GALNT2: variants seen among roughly 807,000 people sequenced by gnomAD.
GALNT2 encodes UDP-GalNAc:polypeptide N-acetylgalactosaminyltransferase 2.
GALNT2 carries 31 observed loss-of-function variants against 81.4 expected under a neutral mutation model. The observed-to-expected ratio is 0.38, with a 90% CI of 0.29 to 0.51. The LOEUF (loss-of-function observed/expected upper bound fraction) is 0.51. Ranked by LOEUF, GALNT2 falls within the 20% of genes least tolerant of loss-of-function variation. The pLI is 0.87. For synonymous variants in GALNT2, 303 were observed against 287.4 expected, an observed-to-expected ratio of 1.05 and a Z score of -0.55; for missense variants, 629 against 765.7, an observed-to-expected ratio of 0.82 and a Z score of 2.11.
intron 2 of GALNT2, among the ~76,000 whole-genome samples, chr1:230,199,977 T>G (rs1663832589): frequency 6.6e-6 from 1 of 152,230 alleles, no homozygotes; most frequent in Admixed American, 6.5e-5. Context: ...ATTGCTCCAT[T>G]AGATGCTTCA....
intron 1 of GALNT2, among the ~76,000 whole-genome samples, chr1:230,142,526 A>C (rs1572013050): frequency 6.6e-6 from 1 of 152,200 alleles, no homozygotes; most frequent in Non-Finnish European, 1.5e-5. Context: ...AAAATGGGGA[A>C]AAAAGTAGTA....
chr1:230,160,622 G>A (rs1295814394), intron 1 of GALNT2, among the ~76,000 whole-genome samples: 2 of 151,484 alleles, frequency 1.3e-5, no homozygotes, highest in African/African-American at 2.4e-5. Flanking sequence ...GCTGAGGCAG[G>A]AGAATTGCTT....
At chr1:230,201,777 C>T (rs1432874507) in intron 2 of GALNT2, among the ~76,000 whole-genome samples, 1 of 152,200 alleles carries the variant, frequency 6.6e-6, no homozygotes, top group Non-Finnish European at 1.5e-5. Flanking sequence ...CTCATGTCGA[C>T]ACTAGGACCT....
chr1:230,136,602 C>G (rs1326486537), intron 1 of GALNT2, among the ~76,000 whole-genome samples: 1 of 152,218 alleles, frequency 6.6e-6, no homozygotes, highest in Non-Finnish European at 1.5e-5. Flanking sequence ...GTCTTCAGAT[C>G]ACACACTCCG....
At chr1:230,118,966 A>G (rs1000872470) in intron 1 of GALNT2, among the ~76,000 whole-genome samples, 12 of 152,176 alleles carry the variant, frequency 7.9e-5, no homozygotes, top group Non-Finnish European at 1.8e-4. Flanking sequence ...GGCCCCAGAA[A>G]TCATCTTATT....
intron 1 of GALNT2, among the ~76,000 whole-genome samples, chr1:230,112,800 T>TG (rs200649766): frequency 0.27 from 20,548 of 76,206 alleles, 1,577 homozygotes; most frequent in South Asian, 0.38. Flanking sequence ...GGCAGGGGGG[T>TG]GGGGGGGACC....
intron 1 of GALNT2, among the ~76,000 whole-genome samples, chr1:230,088,317 G>A (rs2102762544): frequency 6.6e-6 from 1 of 152,166 alleles, no homozygotes; most frequent in African/African-American, 2.4e-5. Context: ...ACCTCTAGGT[G>A]CTTCATGTAA....
chr1:230,207,018 C>T (rs1225490643), intron 3 of GALNT2, among the ~76,000 whole-genome samples: 1 of 151,630 alleles, frequency 6.6e-6, no homozygotes, highest in African/African-American at 2.4e-5. Flanking sequence ...TGATTTTTCT[C>T]CACAGTTCCT....
chr1:230,240,009 C>G (rs553065529), intron 6 of GALNT2, among the ~76,000 whole-genome samples: 2 of 152,162 alleles, frequency 1.3e-5, no homozygotes, highest in Non-Finnish European at 2.9e-5. Flanking sequence ...ACATCTTAAA[C>G]CCCACAATAC....
chr1:230,236,756 A>T (rs1223720454), intron 6 of GALNT2, 31 bp downstream of exon 6: 4 of 1,584,888 alleles, frequency 2.5e-6, no homozygotes, highest in Admixed American at 1.9e-5. Context: ...GCGCCAAGAC[A>T]GTTGAATTCT....
At chr1:230,217,221 G>C (rs1259836589) in intron 3 of GALNT2, among the ~76,000 whole-genome samples, 3 of 152,224 alleles carry the variant, frequency 2.0e-5, no homozygotes, top group Admixed American at 2.0e-4. Context: ...GAGGTTAGGA[G>C]TGTGAAAGAG....
At chr1:230,225,609 T>C (rs1365191525) in intron 3 of GALNT2, among the ~76,000 whole-genome samples, 1 of 151,688 alleles carries the variant, frequency 6.6e-6, no homozygotes, top group Non-Finnish European at 1.5e-5. Context: ...TCATGTATGG[T>C]GACCACAGGG....
intron 3 of GALNT2, among the ~76,000 whole-genome samples, chr1:230,234,715 G>A (rs952190374): frequency 3.9e-5 from 6 of 152,150 alleles, no homozygotes; most frequent in South Asian, 4.1e-4. Context: ...AGAAGTCCTC[G>A]TGGGCTGTCA....
At chr1:230,201,839 T>A (rs1320874929) in intron 2 of GALNT2, among the ~76,000 whole-genome samples, 1 of 152,172 alleles carries the variant, frequency 6.6e-6, no homozygotes, top group Non-Finnish European at 1.5e-5. Flanking sequence ...ACACCCTGCC[T>A]TTGTTCAGTT....
intron 2 of GALNT2, among the ~76,000 whole-genome samples, chr1:230,195,396 A>G (rs12139328): frequency 0.036 from 5,451 of 152,230 alleles, 126 homozygotes; most frequent in Non-Finnish European, 0.052. Flanking sequence ...TGTGGTTGGG[A>G]TAGAGCTCTG....
intron 1 of GALNT2, among the ~76,000 whole-genome samples, chr1:230,079,852 C>G (rs1040565645): frequency 6.6e-6 from 1 of 152,202 alleles, no homozygotes; most frequent in African/African-American, 2.4e-5. Flanking sequence ...AGGAATGTCC[C>G]TATGGAGAGG....
At chr1:230,126,889 T>G (rs929980063) in intron 1 of GALNT2, among the ~76,000 whole-genome samples, 1 of 152,106 alleles carries the variant, frequency 6.6e-6, no homozygotes, top group Non-Finnish European at 1.5e-5. Context: ...CCCTTCAGGA[T>G]TTGGAGTGAG....
At chr1:230,244,543 G>A (rs554106349) in intron 7 of GALNT2, among the ~76,000 whole-genome samples, 1 of 146,978 alleles carries the variant, frequency 6.8e-6, no homozygotes, top group Non-Finnish European at 1.5e-5. Flanking sequence ...TCAGGGAAGC[G>A]CAGTCAAAAC....
At chr1:230,178,157 C>A in intron 1 of GALNT2, 61 bp from the exon 2 acceptor site, 1 of 1,327,158 alleles carries the variant, frequency 7.5e-7, no homozygotes. Context: ...ATGTATTGAA[C>A]TGATGAATGA....
Sources: allele counts gnomAD v4.1 joint callset (sites outside exome capture counted in the v4.1 genomes callset), GRCh38; gene constraint gnomAD v4.1.1; transcripts MANE v1.5; gene names NCBI Gene and HGNC (gene_info 2026-07-23, HGNC 2026-07-21).